The following PCGF3 variants were observed in gnomAD, a reference collection of about 807,000 sequenced individuals.
The protein encoded by PCGF3 is polycomb group ring finger 3.
PCGF3 carries 7 observed loss-of-function variants against 33.1 expected under a neutral mutation model. The ratio of observed to expected loss-of-function variants is 0.21; its 90% confidence interval spans 0.12 to 0.40. PCGF3 has a LOEUF of 0.40. Ranked by LOEUF, PCGF3 falls within the 10% of genes least tolerant of loss-of-function variation. The pLI is 1.00. For missense variants in PCGF3, 211 were observed against 313.3 expected (o/e 0.67, Z 2.46); for synonymous variants, 153 against 121.3 (o/e 1.26, Z -1.72).
intron 5 of PCGF3, among the ~76,000 whole-genome samples, chr4:736,135 C>T (rs1743812178): frequency 6.6e-6 from 1 of 152,114 alleles, no homozygotes; most frequent in South Asian, 2.1e-4. Flanking sequence ...GCAACCTCCA[C>T]CTCCCGGGTT....
exon 11 of PCGF3, chr4:766,251 C>T (rs906741029): frequency 2.7e-5 from 16 of 593,354 alleles, no homozygotes; most frequent in East Asian, 1.7e-4. Context: ...ACCAGCACCA[C>T]GTTTACAGAG....
chr4:760,800 C>T (rs975971039), intron 8 of PCGF3, among the ~76,000 whole-genome samples: 12 of 152,372 alleles, frequency 7.9e-5, no homozygotes, highest in Admixed American at 5.9e-4. Context: ...CACTTTTTAT[C>T]CTGCGGCCAA....
chr4:732,280 C>G (rs570663035), intron 3 of PCGF3: 1 of 155,694 alleles, frequency 6.4e-6, no homozygotes, highest in Non-Finnish European at 1.4e-5. Context: ...CGTCAGGGCG[C>G]GGGGTGGGGC....
intron 9 of PCGF3, chr4:761,802 G>A: frequency 2.0e-6 from 2 of 985,462 alleles, no homozygotes; most frequent in Non-Finnish European, 2.4e-6. Context: ...AGGAGTGCTG[G>A]CATGAGGCGG....
At chr4:729,804 C>T (rs967992935) in intron 1 of PCGF3, among the ~76,000 whole-genome samples, 1 of 152,180 alleles carries the variant, frequency 6.6e-6, no homozygotes. Flanking sequence ...AAATGAAGAG[C>T]ATGAAAGTAT....
intron 3 of PCGF3, 106 bp from the exon 4 acceptor site, chr4:733,556 GCCACCCAGGC>G: frequency 9.5e-7 from 1 of 1,054,622 alleles, no homozygotes; most frequent in South Asian, 1.6e-5. Context: ...AGAGGCTCCT[GCCACCCAGGC>G]CTCAGGGCCT....
At chr4:737,701 A>T (rs546359978) in intron 6 of PCGF3, among the ~76,000 whole-genome samples, 180 bp downstream of exon 6, 1 of 152,108 alleles carries the variant, frequency 6.6e-6, no homozygotes. Context: ...TTCGTCTAAG[A>T]TGCGTAGACA....
chr4:711,851 C>T (rs1742584221), intron 1 of PCGF3, among the ~76,000 whole-genome samples: 1 of 151,202 alleles, frequency 6.6e-6, no homozygotes, highest in Non-Finnish European at 1.5e-5. Context: ...ATCCCAGCTA[C>T]TTGGGAGGCT....
intron 3 of PCGF3, 140 bp downstream of exon 3, chr4:731,250 T>C (rs1262766454): frequency 7.5e-6 from 3 of 398,198 alleles, no homozygotes; most frequent in Non-Finnish European, 1.3e-5. Context: ...TGCCGAGTTT[T>C]CCTGGCCCCT....
chr4:744,557 A>C lies in PCGF3; in HGVS notation c.374-43A>C, dbSNP rs375495419. On this transcript the variant is annotated intron_variant, in intron 7 of 10. Coordinates refer to ENST00000362003, the Ensembl canonical transcript of PCGF3. The stretch of plus-strand genomic sequence containing the variant: ...AGTGTAGTTTTTTAAATGGCTTGAC[A>C]GTTTGGATTTCATGGTGCGCTATGT... 2.3e-5 allele frequency: 33 copies of C among 1,420,446 alleles called. No homozygotes were observed. The African/African-American group carries it at 4.4e-4, about 19-fold the overall frequency. 88.0% of individuals were successfully genotyped at this position (1,420,446 alleles called of 1,614,324 possible). A position where few individuals can be genotyped will look rare whatever the true frequency, so the allele number is the denominator to read the frequency against.
At chr4:722,329 G>T in intron 1 of PCGF3, 1 of 181,402 alleles carries the variant, frequency 5.5e-6, no homozygotes, top group Non-Finnish European at 1.2e-5. Flanking sequence ...CTGCAGGCGC[G>T]ACTCAGAACA....
At chr4:715,521 G>A (rs1742785730) in intron 1 of PCGF3, among the ~76,000 whole-genome samples, 1 of 146,022 alleles carries the variant, frequency 6.8e-6, no homozygotes, top group East Asian at 2.2e-4. Context: ...CTGGGCGTCG[G>A]TGCTGGGACC....
intron 1 of PCGF3, among the ~76,000 whole-genome samples, chr4:712,420 C>T (rs1289044880): frequency 6.6e-6 from 1 of 151,956 alleles, no homozygotes; most frequent in Non-Finnish European, 1.5e-5. Flanking sequence ...CTCTAATATT[C>T]GTGTTTGTTT....
chr4:753,252 C>A (rs1417635327), intron 8 of PCGF3, among the ~76,000 whole-genome samples: 1 of 152,226 alleles, frequency 6.6e-6, no homozygotes, highest in Non-Finnish European at 1.5e-5. Context: ...GGTGCAATCT[C>A]AGCTCCCTGC....
intron 4 of PCGF3, chr4:734,661 T>C: frequency 7.7e-7 from 1 of 1,290,606 alleles, no homozygotes; most frequent in Non-Finnish European, 9.8e-7. Flanking sequence ...CCTTTGAGCA[T>C]CATCTCCCCA....
At chr4:766,337 A>G (rs555186919) in exon 11 of PCGF3, 4 of 423,510 alleles carry the variant, frequency 9.4e-6, no homozygotes, top group African/African-American at 2.0e-5. Context: ...CCTTGCAGGG[A>G]GAGTGATGCT....
chr4:762,548 C>G (rs938814833), intron 9 of PCGF3: 2 of 152,302 alleles, frequency 1.3e-5, no homozygotes, highest in African/African-American at 2.4e-5. Context: ...AAAGGACTGG[C>G]CAGCATGTGT....
intron 9 of PCGF3, among the ~76,000 whole-genome samples, chr4:763,279 G>C (rs190381747): frequency 1.2e-4 from 18 of 152,338 alleles, no homozygotes; most frequent in African/African-American, 3.6e-4. Context: ...GGATTTTCAT[G>C]TGGAGGTGTA....
In PCGF3 at chr4:768,061, A is replaced by G. The variant is rs182077358; in HGVS notation, c.*1982A>G. The G allele has an allele frequency of 3.8e-3, 587 of 152,776 alleles. 1 individual carries two copies. The highest frequency in any genetic ancestry group is 6.5e-3 in the Non-Finnish European group (439 of 68,032). 9.5% of individuals were successfully genotyped at this position (152,776 alleles called of 1,614,324 possible). On this transcript the variant is annotated 3_prime_UTR_variant, in exon 11 of 11. Coordinates refer to ENST00000362003, the Ensembl canonical transcript of PCGF3. ...TATCATTGTAATAATCTCATAATAT[A>G]TATTTGTAACTTTGTAGCTATCTTT...
Sources: gnomAD v4.1 joint callset for allele counts (sites outside exome capture counted in the v4.1 genomes callset) on GRCh38, gnomAD v4.1.1 for gene constraint, MANE v1.5 for transcripts, NCBI Gene and HGNC (gene_info 2026-07-23, HGNC 2026-07-21) for gene names.